The following SCHIP1 variants were observed in gnomAD, a reference collection of about 807,000 sequenced individuals.
SCHIP1 encodes the protein schwannomin-interacting protein 1.
A neutral mutation model predicts 29.7 loss-of-function variants in SCHIP1; 8 were observed. The ratio of observed to expected loss-of-function variants is 0.27; its 90% CI spans 0.16 to 0.49. The LOEUF (loss-of-function observed/expected upper bound fraction) is 0.49, where lower values mean the gene tolerates loss of function less well. SCHIP1 is among the 20% of genes least tolerant of loss of function. SCHIP1 has a pLI of 0.99. For missense variants in SCHIP1, 193 were observed against 294.6 expected, an observed-to-expected ratio of 0.66 and a Z score of 2.52; for synonymous variants, 76 against 94.9, an observed-to-expected ratio of 0.80 and a Z score of 1.16.
the SCHIP1 span, among the ~76,000 whole-genome samples, chr3:159,810,366 GCA>G: frequency 6.6e-6 from 1 of 152,264 alleles, no homozygotes; most frequent in East Asian, 1.9e-4. Flanking sequence ...TGTTTTAAAT[GCA>G]CAGTGATTTT....
the SCHIP1 span, among the ~76,000 whole-genome samples, chr3:159,634,491 T>C: frequency 1.3e-5 from 2 of 152,212 alleles, no homozygotes; most frequent in Non-Finnish European, 2.9e-5. Flanking sequence ...CCTCTCAGTT[T>C]AGTCGTTGGT....
chr3:159,436,945 G>A, the SCHIP1 span, among the ~76,000 whole-genome samples: 1 of 151,996 alleles, frequency 6.6e-6, no homozygotes, highest in Non-Finnish European at 1.5e-5. Context: ...AGTGAATCAT[G>A]GTGAGGGTGA....
At chr3:159,485,844 T>A in the SCHIP1 span, among the ~76,000 whole-genome samples, 1 of 152,208 alleles carries the variant, frequency 6.6e-6, no homozygotes, top group African/African-American at 2.4e-5. Flanking sequence ...ACACACTATG[T>A]AGATATTAGC....
the SCHIP1 span, among the ~76,000 whole-genome samples, chr3:159,682,472 A>T: frequency 6.6e-6 from 1 of 152,226 alleles, no homozygotes; most frequent in Admixed American, 6.5e-5. Context: ...CAGTGATATC[A>T]GTGAACTATA....
chr3:159,351,862 A>G, the SCHIP1 span, among the ~76,000 whole-genome samples: 147 of 152,302 alleles, frequency 9.7e-4, 2 homozygotes, highest in Non-Finnish European at 1.5e-3. Context: ...CAGGTCACAC[A>G]GCTTGTCTAG....
chr3:159,317,824 A>T, the SCHIP1 span, among the ~76,000 whole-genome samples: 2 of 152,122 alleles, frequency 1.3e-5, no homozygotes, highest in Non-Finnish European at 2.9e-5. Flanking sequence ...TGGCAGAAGC[A>T]TTATGTGCAG....
At chr3:159,299,839 C>A in the SCHIP1 span, among the ~76,000 whole-genome samples, 3 of 152,180 alleles carry the variant, frequency 2.0e-5, no homozygotes, top group Non-Finnish European at 4.4e-5. Context: ...GTCCCACACA[C>A]TGGATCTCAA....
At chr3:159,655,330 T>C in the SCHIP1 span, among the ~76,000 whole-genome samples, 2 of 152,128 alleles carry the variant, frequency 1.3e-5, no homozygotes, top group African/African-American at 4.8e-5. Flanking sequence ...TGGAAAGACA[T>C]TTTGGGGCAG....
At chr3:159,666,852 C>T in the SCHIP1 span, among the ~76,000 whole-genome samples, 1 of 152,168 alleles carries the variant, frequency 6.6e-6, no homozygotes, top group African/African-American at 2.4e-5. Flanking sequence ...ACTTTGATAC[C>T]TATGTCTACC....
At chr3:159,600,890 G>C in the SCHIP1 span, among the ~76,000 whole-genome samples, 1 of 152,152 alleles carries the variant, frequency 6.6e-6, no homozygotes, top group Non-Finnish European at 1.5e-5. Flanking sequence ...TTGATTCTGG[G>C]TGCATGCAGT....
At chr3:159,831,682 G>A in the SCHIP1 span, among the ~76,000 whole-genome samples, 1 of 152,154 alleles carries the variant, frequency 6.6e-6, no homozygotes, top group African/African-American at 2.4e-5. Flanking sequence ...GCTACTTAGT[G>A]ACTCCTGGGT....
At chr3:159,600,697 C>A in the SCHIP1 span, among the ~76,000 whole-genome samples, 1 of 152,050 alleles carries the variant, frequency 6.6e-6, no homozygotes, top group Non-Finnish European at 1.5e-5. Flanking sequence ...AGATTTATTG[C>A]TGAAGAATTA....
At chr3:159,338,990 G>A in the SCHIP1 span, among the ~76,000 whole-genome samples, 1 of 152,016 alleles carries the variant, frequency 6.6e-6, no homozygotes, top group Admixed American at 6.6e-5. Context: ...GGTGCCTCAA[G>A]CAGATGACAC....
chr3:159,354,108 A>G, the SCHIP1 span, among the ~76,000 whole-genome samples: 1 of 152,202 alleles, frequency 6.6e-6, no homozygotes, highest in Non-Finnish European at 1.5e-5. Context: ...AAACAATAAC[A>G]ACAAAATTGA....
the SCHIP1 span, among the ~76,000 whole-genome samples, chr3:159,630,895 A>G: frequency 6.6e-6 from 1 of 152,206 alleles, no homozygotes; most frequent in East Asian, 1.9e-4. Context: ...AAAATCTTAA[A>G]AAATAATAGT....
the SCHIP1 span, among the ~76,000 whole-genome samples, chr3:159,441,001 TCA>T: frequency 3.3e-5 from 5 of 152,234 alleles, no homozygotes; most frequent in Admixed American, 3.3e-4. Flanking sequence ...TTGTATATAA[TCA>T]TCGCAGTGAT....
At chr3:159,786,216 A>G in the SCHIP1 span, among the ~76,000 whole-genome samples, 1 of 152,194 alleles carries the variant, frequency 6.6e-6, no homozygotes, top group Non-Finnish European at 1.5e-5. Context: ...TATTGGTTAG[A>G]ATGATTTAAA....
the SCHIP1 span, among the ~76,000 whole-genome samples, chr3:159,547,657 T>C: frequency 6.6e-6 from 1 of 152,204 alleles, no homozygotes; most frequent in Admixed American, 6.5e-5. Flanking sequence ...CCCAGCACCA[T>C]TTATTAAGTA....
the SCHIP1 span, among the ~76,000 whole-genome samples, chr3:159,715,337 T>G: frequency 5.9e-5 from 9 of 152,130 alleles, no homozygotes; most frequent in African/African-American, 2.2e-4. Flanking sequence ...TCGGAGCGCC[T>G]CTAATCCTCC....
Sources: gnomAD v4.1 joint callset for allele counts (sites outside exome capture counted in the v4.1 genomes callset) on GRCh38, gnomAD v4.1.1 for gene constraint, MANE v1.5 for transcripts, NCBI Gene and HGNC (gene_info 2026-07-23, HGNC 2026-07-21) for gene names.